HSF5: variants seen among roughly 807,000 people sequenced by gnomAD.
HSF5 encodes heat shock factor protein 5.
In HSF5, 5 loss-of-function variants were observed where a neutral mutation model predicts 50.8. The observed-to-expected ratio is 0.10, with a 90% confidence interval of 0.05 to 0.21. The LOEUF is 0.21. HSF5 is among the 10% of genes least tolerant of loss of function. HSF5 has a pLI of 1.00. For synonymous variants in HSF5, 307 were observed against 307.4 expected (o/e 1.00, Z 0.02); for missense variants, 564 against 762.6 (o/e 0.74, Z 3.07).
intron 1 of HSF5, among the ~76,000 whole-genome samples, chr17:58,484,205 G>T (rs1437613202): frequency 8.5e-6 from 1 of 118,208 alleles, no homozygotes; most frequent in Non-Finnish European, 1.8e-5. Context: ...GAATGGTAAG[G>T]AAAAAAAAAA....
At chr17:58,460,570 C>T (rs993462881) in intron 4 of HSF5, among the ~76,000 whole-genome samples, 3 of 150,602 alleles carry the variant, frequency 2.0e-5, no homozygotes, top group African/African-American at 4.9e-5. Flanking sequence ...AGTGCAGTGG[C>T]GCGATCTCAG....
chr17:58,476,563 T>C, intron 2 of HSF5: 1 of 1,487,170 alleles, frequency 6.7e-7, no homozygotes, highest in Non-Finnish European at 9.4e-7. Flanking sequence ...AGGATTTTGA[T>C]CAAAATAAAA....
At chr17:58,443,696 G>A (rs1223411685) in intron 5 of HSF5, among the ~76,000 whole-genome samples, 4 of 152,076 alleles carry the variant, frequency 2.6e-5, no homozygotes, top group Non-Finnish European at 4.4e-5. Flanking sequence ...AGTCTAGTAC[G>A]TGTAACCATA....
chr17:58,476,157 CT>C, intron 2 of HSF5: 2 of 1,039,048 alleles, frequency 1.9e-6, no homozygotes, highest in Non-Finnish European at 2.8e-6. Flanking sequence ...TCCTTCTCTC[CT>C]TCCTCCCCTT....
Position 58,479,883 on chromosome 17 carries a change from T to A in HSF5, c.925+10A>T, listed in dbSNP as rs1186718813. 8 of 1,599,046 alleles carry A rather than the reference T, an allele frequency of 5.0e-6. No homozygotes were observed. The East Asian group carries it at 1.6e-4, about 31-fold the overall frequency. ...TTAAATAGAAGGCCATGAACCTGAA[T>A]TTGTCATACCTGTTGGATAGTAGGC... On this transcript the variant is annotated intron_variant, in intron 2 of 5. Transcript: ENST00000323777.
At chr17:58,450,462 T>C (rs1198695484) in intron 5 of HSF5, among the ~76,000 whole-genome samples, 1 of 151,300 alleles carries the variant, frequency 6.6e-6, no homozygotes, top group Non-Finnish European at 1.5e-5. Context: ...TCAGATAAAA[T>C]GGACTTTAAG....
At chr17:58,427,382 A>T (rs1176322977) in intron 5 of HSF5, among the ~76,000 whole-genome samples, 3 of 152,242 alleles carry the variant, frequency 2.0e-5, no homozygotes, top group Middle Eastern at 3.2e-3. Flanking sequence ...TTAGTTACGG[A>T]AGGGCACTGA....
At chr17:58,478,610 C>T (rs1304711865) in intron 2 of HSF5, among the ~76,000 whole-genome samples, 2 of 151,080 alleles carry the variant, frequency 1.3e-5, no homozygotes, top group Non-Finnish European at 3.0e-5. Flanking sequence ...TCCCGTAATC[C>T]CAGCACTTTG....
intron 5 of HSF5, among the ~76,000 whole-genome samples, chr17:58,425,401 C>T (rs1307145502): frequency 1.4e-5 from 2 of 143,110 alleles, no homozygotes; most frequent in African/African-American, 5.0e-5. Context: ...AGTGAAACTC[C>T]ACCTTAAAAA....
chr17:58,446,187 G>T (rs529548548), intron 5 of HSF5, among the ~76,000 whole-genome samples: 1 of 150,232 alleles, frequency 6.7e-6, no homozygotes, highest in South Asian at 2.1e-4. Context: ...AGAGCAAGAC[G>T]GCAGTTTTGA....
At chr17:58,458,238 A>C (rs144121670) in intron 5 of HSF5, among the ~76,000 whole-genome samples, 393 of 152,348 alleles carry the variant, frequency 2.6e-3, no homozygotes, top group Middle Eastern at 6.8e-3. Context: ...TGTGCCTAAA[A>C]CAATCACTTA....
At chr17:58,453,018 G>A (rs1974661242) in intron 5 of HSF5, among the ~76,000 whole-genome samples, 1 of 152,144 alleles carries the variant, frequency 6.6e-6, no homozygotes, top group South Asian at 2.1e-4. Flanking sequence ...CTGGGTGACA[G>A]AGGGAGACCC....
chr17:58,445,834 C>A (rs745843744), intron 5 of HSF5, among the ~76,000 whole-genome samples: 12 of 152,076 alleles, frequency 7.9e-5, no homozygotes, highest in Non-Finnish European at 1.6e-4. Context: ...GAACTGTGCA[C>A]TTAAAAATGG....
intron 5 of HSF5, among the ~76,000 whole-genome samples, chr17:58,442,706 A>T (rs1007371708): frequency 6.6e-6 from 1 of 152,106 alleles, no homozygotes. Context: ...AGTGGAAGAG[A>T]TGGGCTAGAC....
chr17:58,450,332 T>C lies in HSF5; in HGVS notation c.1720+8436A>G, dbSNP rs1165894501. 8.8e-5 allele frequency among the ~76,000 whole-genome samples: 10 copies of C among 113,284 alleles called. 1 individual carries two copies. Among genetic ancestry groups the C allele is most frequent in the Admixed American group, 8.2e-4 (9 of 10,934 alleles). The allele number at this position is 113,284 out of a possible 152,430, so 74.3% of individuals were successfully genotyped here. A position where few individuals can be genotyped will look rare whatever the true frequency, so the allele number is the denominator to read the frequency against. Reference sequence around the variant, plus strand: ...CCAGCCTGGGTGAGAGAGTGAGACTTTGTCTCAAAAAAAAAAAAAAAAAAA... The same window carrying C: ...CCAGCCTGGGTGAGAGAGTGAGACTCTGTCTCAAAAAAAAAAAAAAAAAAA... On this transcript the variant is annotated intron_variant, in intron 5 of 5. Transcript: ENST00000323777.
rs1567909128 is a variant in HSF5, at chr17:58,446,156, AGG to A, written c.1720+12610_1720+12611del. On this transcript the variant is annotated intron_variant, in intron 5 of 5. Coordinates refer to ENST00000323777, the MANE Select transcript of HSF5 (RefSeq NM_001080439.3). ...CCATCTCAAAAAAAAAAAAAAAAAAAGGTTAAAATGGGGCAGAGGCAGAGCAA... is the reference window on the plus strand; with the variant it reads ...CCATCTCAAAAAAAAAAAAAAAAAAATTAAAATGGGGCAGAGGCAGAGCAA... Among the ~76,000 whole-genome samples the A allele has an allele frequency of 3.3e-3, 497 of 150,346 alleles. 7 individuals are homozygous for A. Among genetic ancestry groups the A allele is most frequent in the African/African-American group, 0.011 (464 of 40,956 alleles).
Position 58,476,369 on chromosome 17 carries a change from T to C in HSF5, c.925+3524A>G, listed in dbSNP as rs577357137. 2.7e-4 allele frequency: 296 copies of C among 1,077,634 alleles called. 2 individuals carry two copies. Among genetic ancestry groups the C allele is most frequent in the South Asian group, 2.5e-3 (200 of 80,360 alleles). The allele number at this position is 1,077,634 out of a possible 1,614,324, so 66.8% of individuals were successfully genotyped here. ...TCAGTACCTGCATCAGAATGGTCAG[T>C]AAATCAGGTAAAGAAGCTCCCTGGT... On this transcript the variant is annotated intron_variant, in intron 2 of 5. Transcript: ENST00000323777.
chr17:58,426,717 T>C (rs1974300305), intron 5 of HSF5, among the ~76,000 whole-genome samples: 2 of 152,226 alleles, frequency 1.3e-5, no homozygotes, highest in Admixed American at 6.5e-5. Context: ...ATGAGATTAA[T>C]ATTTGGGTAC....
At chr17:58,428,518 G>T (rs1226706924) in intron 5 of HSF5, among the ~76,000 whole-genome samples, 1 of 152,056 alleles carries the variant, frequency 6.6e-6, no homozygotes, top group African/African-American at 2.4e-5. Flanking sequence ...AATTAGCCAG[G>T]TGTGGTGGCG....
Sources: allele counts gnomAD v4.1 joint callset (sites outside exome capture counted in the v4.1 genomes callset), GRCh38; gene constraint gnomAD v4.1.1; transcripts MANE v1.5; gene names NCBI Gene and HGNC (gene_info 2026-07-23, HGNC 2026-07-21).